The following PBRM1 variants were observed in gnomAD, a reference collection of about 807,000 sequenced individuals.
PBRM1 encodes protein polybromo-1.
A neutral mutation model predicts 194.5 loss-of-function variants in PBRM1; 27 were observed. The ratio of observed to expected loss-of-function variants is 0.14; its 90% CI spans 0.10 to 0.19. PBRM1 has a LOEUF of 0.19. Ranked by LOEUF, PBRM1 falls within the 10% of genes least tolerant of loss-of-function variation. PBRM1 has a pLI of 1.00. For missense variants in PBRM1, 1,466 were observed against 2,077.2 expected (o/e 0.71, Z 5.72); for synonymous variants, 655 against 693.2 (o/e 0.94, Z 0.87).
At chr3:52,635,904 G>A (rs1056998823) in intron 10 of PBRM1, among the ~76,000 whole-genome samples, 8 of 151,888 alleles carry the variant, frequency 5.3e-5, no homozygotes, top group South Asian at 2.1e-4. Context: ...TCACTCTGTC[G>A]CCAGGCTGGA....
exon 20 of PBRM1, chr3:52,586,446 T>C (rs2092404222): frequency 6.2e-7 from 1 of 1,612,710 alleles, no homozygotes; most frequent in African/African-American, 1.3e-5. Context: ...TAAAATTGTC[T>C]TCAGCTCGAC....
intron 18 of PBRM1, among the ~76,000 whole-genome samples, chr3:52,587,734 A>G (rs952948264): frequency 6.6e-6 from 1 of 151,932 alleles, no homozygotes; most frequent in African/African-American, 2.4e-5. Context: ...TCTTTGCAAA[A>G]TTAGGAAATA....
intron 20 of PBRM1, among the ~76,000 whole-genome samples, chr3:52,580,651 T>C (rs1233646393): frequency 2.6e-5 from 4 of 152,196 alleles, no homozygotes; most frequent in Admixed American, 6.5e-5. Flanking sequence ...CGTGAGCCAC[T>C]GCGCCCAGCC....
chr3:52,634,274 T>C (rs1442907543), intron 11 of PBRM1, among the ~76,000 whole-genome samples: 3 of 151,674 alleles, frequency 2.0e-5, no homozygotes, highest in South Asian at 4.2e-4. Context: ...CAGTCTCTAA[T>C]AGAAATACAA....
chr3:52,680,489 TTAACTA>T (rs1459073114), upstream of PBRM1, among the ~76,000 whole-genome samples: 16 of 152,330 alleles, frequency 1.1e-4, no homozygotes, highest in South Asian at 3.1e-3. Context: ...CGTACTCTAT[TTAACTA>T]TAACAATTTT....
chr3:52,587,912 CCT>C (rs536296953), intron 18 of PBRM1, among the ~76,000 whole-genome samples: 486 of 151,520 alleles, frequency 3.2e-3, no homozygotes, highest in African/African-American at 0.011. Flanking sequence ...ATATATACAC[CCT>C]CAACCTCTTG....
At chr3:52,584,733 G>A (rs536103149) in intron 20 of PBRM1, among the ~76,000 whole-genome samples, 86 of 152,062 alleles carry the variant, frequency 5.7e-4, no homozygotes, top group African/African-American at 2.0e-3. Flanking sequence ...TAGGATTACA[G>A]GTATGAGCCA....
chr3:52,651,988 C>T (rs1314809627), intron 5 of PBRM1, among the ~76,000 whole-genome samples, 178 bp from the exon 7 acceptor site: 1 of 152,196 alleles, frequency 6.6e-6, no homozygotes, highest in Non-Finnish European at 1.5e-5. Flanking sequence ...AGAATTTAAT[C>T]TTAAGAAGCT....
intron 7 of PBRM1, among the ~76,000 whole-genome samples, chr3:52,645,154 T>C (rs1325734110): frequency 6.6e-6 from 1 of 152,210 alleles, no homozygotes; most frequent in Non-Finnish European, 1.5e-5. Context: ...AACACATTTC[T>C]GTCTATGTCT....
chr3:52,556,184 A>G (rs2082186367), intron 26 of PBRM1, among the ~76,000 whole-genome samples: 1 of 152,238 alleles, frequency 6.6e-6, no homozygotes, highest in South Asian at 2.1e-4. Flanking sequence ...TTAGTCTTTT[A>G]AGGCTATGAA....
At chr3:52,685,829 T>C in exon 1 of PBRM1, 1 of 453,628 alleles carries the variant, frequency 2.2e-6, no homozygotes, top group Non-Finnish European at 3.9e-6. Flanking sequence ...GCTGCTGCTA[T>C]TGCTCCTCCG....
intron 16 of PBRM1, among the ~76,000 whole-genome samples, chr3:52,607,915 T>G (rs115620475): frequency 6.6e-6 from 1 of 152,174 alleles, no homozygotes; most frequent in Non-Finnish European, 1.5e-5. Context: ...TCTATCCCTG[T>G]CTCTTAAACA....
intron 13 of PBRM1, among the ~76,000 whole-genome samples, chr3:52,626,618 A>G (rs2095457336): frequency 6.6e-6 from 1 of 152,184 alleles, no homozygotes; most frequent in Non-Finnish European, 1.5e-5. Context: ...GTGGCGAGAG[A>G]TAATATTGCA....
At chr3:52,664,008 CGA>C (rs2096777514) in intron 3 of PBRM1, among the ~76,000 whole-genome samples, 1 of 148,592 alleles carries the variant, frequency 6.7e-6, no homozygotes, top group Admixed American at 6.8e-5. Context: ...TGCAGTAAGC[CGA>C]GATAGCGCCA....
intron 5 of PBRM1, among the ~76,000 whole-genome samples, chr3:52,655,014 G>C (rs2153828144): frequency 6.6e-6 from 1 of 152,026 alleles, no homozygotes; most frequent in Admixed American, 6.6e-5. Context: ...TCAAAGCTCT[G>C]GGATTACAGG....
chr3:52,650,952 C>T (rs2096475095), intron 6 of PBRM1, among the ~76,000 whole-genome samples: 1 of 152,178 alleles, frequency 6.6e-6, no homozygotes, highest in Non-Finnish European at 1.5e-5. Flanking sequence ...TAAGCACCTA[C>T]TCTGTACAGA....
At chr3:52,624,972 A>C (rs2095400778) in intron 13 of PBRM1, 31 bp from the exon 15 acceptor site, 2 of 1,492,906 alleles carry the variant, frequency 1.3e-6, no homozygotes, top group African/African-American at 1.4e-5. Flanking sequence ...ATTACATGTA[A>C]AGAGAAACAA....
At chr3:52,587,941 C>T (rs2153794462) in intron 18 of PBRM1, among the ~76,000 whole-genome samples, 1 of 152,164 alleles carries the variant, frequency 6.6e-6, no homozygotes, top group East Asian at 1.9e-4. Context: ...AGTGATCCTC[C>T]TGCCTCAGCC....
At chr3:52,578,990 T>C (rs1460220663) in intron 21 of PBRM1, 64 bp downstream of exon 23, 1 of 1,514,418 alleles carries the variant, frequency 6.6e-7, no homozygotes, top group Non-Finnish European at 9.2e-7. Flanking sequence ...GAAGGGTGAC[T>C]AATTTCTACT....
Sources: allele counts gnomAD v4.1 joint callset (sites outside exome capture counted in the v4.1 genomes callset), GRCh38; gene constraint gnomAD v4.1.1; transcripts MANE v1.5; gene names NCBI Gene and HGNC (gene_info 2026-07-23, HGNC 2026-07-21).